LRP1B: variants seen among roughly 807,000 people sequenced by gnomAD.
LRP1B encodes the protein LDL receptor related protein 1B.
Under a neutral mutation model 556.6 loss-of-function variants are expected in LRP1B, and 217 were observed. The observed-to-expected ratio is 0.39, with a 90% CI of 0.35 to 0.44. The LOEUF (loss-of-function observed/expected upper bound fraction) is 0.44, where lower values mean the gene tolerates loss of function less well. Among genes scored for constraint, LRP1B ranks in the 20% least tolerant of loss-of-function variants. The probability of loss-of-function intolerance (pLI) is 1.00; values close to 1 mark genes in which losing one functional copy is unlikely to be tolerated. For synonymous variants in LRP1B, 2,047 were observed against 1,865.8 expected (o/e 1.10, Z -2.50); for missense variants, 5,053 against 5,620.8 (o/e 0.90, Z 3.23).
intron 7 of LRP1B, among the ~76,000 whole-genome samples, chr2:141,123,818 T>C (rs974693543): frequency 6.6e-6 from 1 of 152,176 alleles, no homozygotes; most frequent in Non-Finnish European, 1.5e-5. Context: ...GCTCTTTCCC[T>C]AGTCTCTTAA....
intron 2 of LRP1B, among the ~76,000 whole-genome samples, chr2:141,722,377 T>A (rs955463619): frequency 2.6e-5 from 4 of 151,820 alleles, no homozygotes; most frequent in African/African-American, 7.3e-5. Context: ...GACTCCATCT[T>A]GGGGGGAAAA....
chr2:141,731,723 G>A (rs77870945), intron 2 of LRP1B, among the ~76,000 whole-genome samples: 3 of 152,024 alleles, frequency 2.0e-5, no homozygotes, highest in African/African-American at 7.2e-5. Context: ...CATGACCTTG[G>A]AGAAAATTAC....
At chr2:142,096,997 T>A (rs1706396015) in intron 1 of LRP1B, among the ~76,000 whole-genome samples, 1 of 151,626 alleles carries the variant, frequency 6.6e-6, no homozygotes, top group African/African-American at 2.4e-5. Flanking sequence ...AAGTGTCTAT[T>A]TGTATATTTA....
chr2:140,769,464 T>G (rs1281792567), intron 34 of LRP1B, 120 bp from the exon 35 acceptor site: 1 of 1,071,174 alleles, frequency 9.3e-7, no homozygotes, highest in Non-Finnish European at 1.3e-6. Context: ...ATGTATTTCC[T>G]GGCCTTTTAA....
chr2:141,293,270 A>G (rs1234548456), intron 3 of LRP1B, among the ~76,000 whole-genome samples: 1 of 152,206 alleles, frequency 6.6e-6, no homozygotes, highest in Non-Finnish European at 1.5e-5. Context: ...TGACTCAAAT[A>G]TCATACATAG....
chr2:140,869,002 A>T (rs1573822611), intron 25 of LRP1B, among the ~76,000 whole-genome samples: 1 of 152,068 alleles, frequency 6.6e-6, no homozygotes, highest in Non-Finnish European at 1.5e-5. Flanking sequence ...GGTCGAATCC[A>T]TGAACCAGAG....
At chr2:142,072,754 A>C (rs1389667483) in intron 1 of LRP1B, among the ~76,000 whole-genome samples, 1 of 151,986 alleles carries the variant, frequency 6.6e-6, no homozygotes, top group Non-Finnish European at 1.5e-5. Flanking sequence ...TCTCTTTTGT[A>C]ATCTACCTCA....
chr2:140,794,129 T>G (rs1000576668), intron 32 of LRP1B, among the ~76,000 whole-genome samples: 29 of 152,144 alleles, frequency 1.9e-4, no homozygotes, highest in African/African-American at 7.0e-4. Flanking sequence ...CCTCATTGTA[T>G]TTGGAATTTA....
At chr2:140,497,565 G>A (rs1688999887) in intron 55 of LRP1B, among the ~76,000 whole-genome samples, 1 of 151,662 alleles carries the variant, frequency 6.6e-6, no homozygotes, top group Admixed American at 6.6e-5. Flanking sequence ...ATCCCAGATT[G>A]GCCTAAAAAT....
At chr2:140,970,514 T>C (rs6744686) in intron 18 of LRP1B, among the ~76,000 whole-genome samples, 128,611 of 151,904 alleles carry the variant, frequency 0.85, 54,991 homozygotes, top group Non-Finnish European at 0.9. Flanking sequence ...AAGCCTTCTT[T>C]TCTCAACTCG....
chr2:140,275,930 T>C (rs1362307114), intron 84 of LRP1B, among the ~76,000 whole-genome samples: 3 of 152,022 alleles, frequency 2.0e-5, no homozygotes, highest in Admixed American at 1.3e-4. Context: ...TTAGACATTC[T>C]GCTTCTGTCT....
chr2:141,756,242 T>C (rs1051988624), intron 2 of LRP1B, among the ~76,000 whole-genome samples: 10 of 152,084 alleles, frequency 6.6e-5, no homozygotes, highest in Non-Finnish European at 1.2e-4. Context: ...TTTAGCTGAA[T>C]TATTAAATTG....
chr2:140,255,732 C>A (rs1681644678), intron 86 of LRP1B, among the ~76,000 whole-genome samples: 1 of 152,102 alleles, frequency 6.6e-6, no homozygotes. Context: ...ACAGAGGTCT[C>A]ATATATGTGT....
At chr2:141,337,808 T>C (rs1026665575) in intron 3 of LRP1B, among the ~76,000 whole-genome samples, 1 of 152,240 alleles carries the variant, frequency 6.6e-6, no homozygotes. Context: ...AGAATGTTTA[T>C]AATTTATTGC....
At chr2:140,374,309 A>G (rs969800335) in intron 68 of LRP1B, among the ~76,000 whole-genome samples, 5 of 152,068 alleles carry the variant, frequency 3.3e-5, no homozygotes, top group Non-Finnish European at 7.4e-5. Flanking sequence ...TAACAATCTC[A>G]TGGTTTGTGG....
At chr2:141,915,910 A>G (rs980042135) in intron 1 of LRP1B, among the ~76,000 whole-genome samples, 1 of 152,216 alleles carries the variant, frequency 6.6e-6, no homozygotes, top group African/African-American at 2.4e-5. Flanking sequence ...AGTGTCTATT[A>G]TTACAAATTC....
At chr2:141,160,506 T>TC (rs1679974235) in intron 7 of LRP1B, among the ~76,000 whole-genome samples, 1 of 152,118 alleles carries the variant, frequency 6.6e-6, no homozygotes, top group Admixed American at 6.6e-5. Flanking sequence ...ATCGAAATTT[T>TC]CTTCTAGAGG....
At chr2:140,691,494 A>AAAAG (rs1182567893) in intron 41 of LRP1B, among the ~76,000 whole-genome samples, 4 of 151,892 alleles carry the variant, frequency 2.6e-5, no homozygotes, top group Admixed American at 2.0e-4. Flanking sequence ...ACCTCAAAAA[A>AAAAG]AAAAAAAAAA....
chr2:140,594,166 C>G (rs960692956), intron 43 of LRP1B, among the ~76,000 whole-genome samples: 1 of 152,048 alleles, frequency 6.6e-6, no homozygotes, highest in African/African-American at 2.4e-5. Flanking sequence ...AATGGGGTTT[C>G]ACCATCTTGG....
Sources: gnomAD v4.1 joint callset for allele counts (sites outside exome capture counted in the v4.1 genomes callset) on GRCh38, gnomAD v4.1.1 for gene constraint, MANE v1.5 for transcripts, NCBI Gene and HGNC (gene_info 2026-07-23, HGNC 2026-07-21) for gene names.